COL27A1: variants seen among roughly 807,000 people sequenced by gnomAD.
The protein encoded by COL27A1 is collagen type XXVII alpha 1 chain.
Under a neutral mutation model 251.3 loss-of-function variants are expected in COL27A1, and 106 were observed. The observed-to-expected ratio is 0.42, with a 90% CI of 0.36 to 0.50. The LOEUF (loss-of-function observed/expected upper bound fraction) is 0.50, where lower values mean the gene tolerates loss of function less well. Ranked by LOEUF, COL27A1 falls within the 20% of genes least tolerant of loss-of-function variation. The pLI is 0.00. For synonymous variants in COL27A1, 1,000 were observed against 986.3 expected (o/e 1.01, Z -0.26); for missense variants, 2,325 against 2,522.8 (o/e 0.92, Z 1.68).
chr9:114,195,515 C>T (rs1829054382), intron 6 of COL27A1, among the ~76,000 whole-genome samples: 1 of 152,324 alleles, frequency 6.6e-6, no homozygotes, highest in East Asian at 1.9e-4. Context: ...CCCTCCTGCT[C>T]CTGTGTGGCC....
rs994192834 is a variant in COL27A1, at chr9:114,310,988, C to T, written c.*293C>T. On this transcript the variant is annotated 3_prime_UTR_variant, in exon 61 of 61. Coordinates refer to ENST00000356083, the MANE Select transcript of COL27A1 (RefSeq NM_032888.4). Reference sequence around the variant, plus strand: ...TGGCCTCTCAGCTCTGCGGCCACCCCGTTCCCTCCCCAGCTTCCTGCCCAA... The same window carrying T: ...TGGCCTCTCAGCTCTGCGGCCACCCTGTTCCCTCCCCAGCTTCCTGCCCAA... 7 of 306,858 alleles carry T rather than the reference C, an allele frequency of 2.3e-5. No individual in the cohort carries two copies. The highest frequency in any genetic ancestry group is 9.1e-5 in the South Asian group (1 of 10,984). The allele number at this position is 306,858 out of a possible 1,614,324, so 19.0% of individuals were successfully genotyped here.
At chr9:114,262,474 C>A (rs1834412527) in intron 28 of COL27A1, among the ~76,000 whole-genome samples, 1 of 152,226 alleles carries the variant, frequency 6.6e-6, no homozygotes, top group African/African-American at 2.4e-5. Flanking sequence ...ATTCCCCAAG[C>A]CACTCCTGTG....
intron 28 of COL27A1, among the ~76,000 whole-genome samples, 172 bp from the exon 29 acceptor site, chr9:114,264,180 AAGG>A (rs1172982833): frequency 6.6e-6 from 1 of 152,172 alleles, no homozygotes; most frequent in Non-Finnish European, 1.5e-5. Context: ...AGCTGTCTCG[AAGG>A]CGCTGCACGA....
At position 114,261,896 on chromosome 9, in the gene COL27A1, T is replaced by C. The variant is rs145486787; in HGVS notation, c.3196-2459T>C. Among the ~76,000 whole-genome samples, 459 of 152,324 alleles carry C rather than the reference T, an allele frequency of 3.0e-3. 4 individuals are homozygous for C. The highest frequency in any genetic ancestry group is 0.01 in the African/African-American group (435 of 41,554). ...AAAGGAGGATAACAGCTTTCACTGC[T>C]CCTGCGGTGGCTGCTACTGCTCTAT... On this transcript the variant is annotated intron_variant, in intron 28 of 60. Coordinates refer to ENST00000356083, the MANE Select transcript of COL27A1 (RefSeq NM_032888.4).
chr9:114,239,406 C>T (rs866013412), intron 19 of COL27A1, among the ~76,000 whole-genome samples: 1 of 152,204 alleles, frequency 6.6e-6, no homozygotes, highest in Non-Finnish European at 1.5e-5. Context: ...GGAGGTGTTA[C>T]GAGCACCATT....
chr9:114,171,222 A>G (rs1358505687), intron 3 of COL27A1, among the ~76,000 whole-genome samples: 1 of 152,162 alleles, frequency 6.6e-6, no homozygotes, highest in Non-Finnish European at 1.5e-5. Flanking sequence ...AACTTTCCTC[A>G]TTGGGCAGGT....
chr9:114,251,946 T>A (rs1174976875), intron 25 of COL27A1, among the ~76,000 whole-genome samples: 12 of 152,244 alleles, frequency 7.9e-5, no homozygotes, highest in Non-Finnish European at 1.2e-4. Flanking sequence ...CCATTGTATA[T>A]TCAGAGTCTC....
chr9:114,235,578 T>C (rs1179427678), intron 16 of COL27A1, 21 bp from the exon 17 acceptor site: 1 of 1,609,584 alleles, frequency 6.2e-7, no homozygotes, highest in Admixed American at 1.7e-5. Flanking sequence ...ATTGTAACCT[T>C]CTTTGCTGGT....
At chr9:114,214,524 T>G (rs1198902784) in intron 12 of COL27A1, among the ~76,000 whole-genome samples, 1 of 152,176 alleles carries the variant, frequency 6.6e-6, no homozygotes, top group African/African-American at 2.4e-5. Flanking sequence ...TCAAAGCACA[T>G]CAGAGCTATA....
chr9:114,301,808 C>G (rs1003632458), intron 55 of COL27A1, 91 bp downstream of exon 55: 2 of 1,281,236 alleles, frequency 1.6e-6, no homozygotes, highest in African/African-American at 3.0e-5. Context: ...AGCCTTGACC[C>G]TGAACCCCAC....
At chr9:114,258,484 C>T (rs181857076) in intron 27 of COL27A1, 57 bp from the exon 28 acceptor site, 90 of 1,529,104 alleles carry the variant, frequency 5.9e-5, no homozygotes, top group Admixed American at 3.9e-4. Context: ...CCCAGCCCCC[C>T]GTGTTGCTCT....
intron 13 of COL27A1, among the ~76,000 whole-genome samples, chr9:114,220,539 C>G (rs1421340179): frequency 6.6e-6 from 1 of 152,190 alleles, no homozygotes; most frequent in Non-Finnish European, 1.5e-5. Flanking sequence ...CTCCCTGAGC[C>G]TGACCCAGCC....
Position 114,184,539 on chromosome 9 carries a change from G to A in COL27A1, c.2016+1464G>A, listed in dbSNP as rs528384851. ...GTTGGGCTGGGCTGGGTTCCTTTCC[G>A]GAAGGCAGGCAGTGGAGGCCTCAGG... On this transcript the variant is annotated intron_variant, in intron 5 of 60. Coordinates refer to ENST00000356083, the MANE Select transcript of COL27A1 (RefSeq NM_032888.4). 1.2e-3 allele frequency among the ~76,000 whole-genome samples: 179 copies of A among 152,344 alleles called. 1 individual carries two copies. The highest frequency in any genetic ancestry group is 4.0e-3 in the African/African-American group (167 of 41,588).
chr9:114,189,132 G>GT (rs1310626035), intron 5 of COL27A1, among the ~76,000 whole-genome samples: 2 of 152,116 alleles, frequency 1.3e-5, no homozygotes, highest in African/African-American at 2.4e-5. Flanking sequence ...ACATAGGAAT[G>GT]TTTTTCCCAT....
Position 114,300,131 on chromosome 9 carries a change from C to T in COL27A1, c.4638+8C>T, listed in dbSNP as rs1174248248. On this transcript the variant is annotated splice_region_variant and intron_variant, in intron 50 of 60. Coordinates refer to ENST00000356083, the MANE Select transcript of COL27A1 (RefSeq NM_032888.4). Reference sequence around the variant, plus strand: ...GGTCTCTTCGGACCCAAGGTATGGACTCCCACGGCTCACTGTTCCTGTGGG... The same window carrying T: ...GGTCTCTTCGGACCCAAGGTATGGATTCCCACGGCTCACTGTTCCTGTGGG... 7 of 1,613,702 alleles carry T rather than the reference C, an allele frequency of 4.3e-6. No homozygotes were observed. The highest frequency in any genetic ancestry group is 5.9e-6 in the Non-Finnish European group (7 of 1,179,640).
chr9:114,168,278 G>A lies in COL27A1; in HGVS notation c.723G>A (p.Thr241=), dbSNP rs574675570. ...HLRKQCGQAD[T]YQSPLGPLFS... is the part of the protein sequence containing the mutation. ...GGAAGCAGTGTGGACAGGCTGACAC[G>A]TACCAGTCCCCACTGGGACCTCTCT... is the stretch of plus-strand genomic sequence containing the variant. Residue 241 remains threonine, a synonymous_variant, in exon 3 of 61, where the codon ACG becomes ACA. Coordinates refer to ENST00000356083, the MANE Select transcript of COL27A1 (RefSeq NM_032888.4). 30 of 1,613,662 alleles carry A rather than the reference G, an allele frequency of 1.9e-5. No homozygotes were observed. Among genetic ancestry groups the A allele is most frequent in the South Asian group, 4.4e-5 (4 of 91,086 alleles).
intron 5 of COL27A1, among the ~76,000 whole-genome samples, chr9:114,186,706 G>T (rs1451908422): frequency 6.6e-6 from 1 of 152,252 alleles, no homozygotes; most frequent in African/African-American, 2.4e-5. Flanking sequence ...CCAAAGAGCA[G>T]CTGGAAGACC....
chr9:114,240,392 G>T (rs1431297049), intron 20 of COL27A1, 42 bp from the exon 21 acceptor site: 1 of 1,607,456 alleles, frequency 6.2e-7, no homozygotes, highest in African/African-American at 1.3e-5. Flanking sequence ...TGGAGATGGA[G>T]GTACCGCCTC....
chr9:114,300,985 G>A lies in COL27A1; in HGVS notation c.4702-87G>A, dbSNP rs576165826. 7.5e-5 allele frequency: 100 copies of A among 1,329,018 alleles called. No individual in the cohort carries two copies. In the African/African-American group the frequency reaches 1.3e-3, roughly 17 times the overall value. The allele number at this position is 1,329,018 out of a possible 1,614,324, so 82.3% of individuals were successfully genotyped here. On this transcript the variant is annotated intron_variant, in intron 51 of 60. Transcript: ENST00000356083. Reference sequence around the variant, plus strand: ...GATGGTCTCCCTTCTACTCCCTTGCGACGCTCGGGCTGCCCTCCACCCCGC... The same window carrying A: ...GATGGTCTCCCTTCTACTCCCTTGCAACGCTCGGGCTGCCCTCCACCCCGC...
Sources: allele counts gnomAD v4.1 joint callset (sites outside exome capture counted in the v4.1 genomes callset), GRCh38; gene constraint gnomAD v4.1.1; transcripts MANE v1.5; gene names NCBI Gene and HGNC (gene_info 2026-07-23, HGNC 2026-07-21).